CPEB3: variants seen among roughly 807,000 people sequenced by gnomAD.
The protein encoded by CPEB3 is cytoplasmic polyadenylation element binding protein 3.
A neutral mutation model predicts 67.2 loss-of-function variants in CPEB3; 20 were observed. That is an observed-to-expected ratio of 0.30 (90% CI 0.21 to 0.43). The LOEUF (loss-of-function observed/expected upper bound fraction) is 0.43. Among genes scored for constraint, CPEB3 ranks in the 20% least tolerant of loss-of-function variants. CPEB3 has a pLI of 1.00. For missense variants in CPEB3, 746 were observed against 968.6 expected (o/e 0.77, Z 3.05); for synonymous variants, 376 against 393.1 (o/e 0.96, Z 0.51).
intron 6 of CPEB3, among the ~76,000 whole-genome samples, chr10:92,111,956 T>C (rs556328178): frequency 7.9e-5 from 12 of 152,322 alleles, no homozygotes; most frequent in African/African-American, 1.9e-4. Context: ...CTCTAAGAGA[T>C]ACCCTCTTGG....
chr10:92,079,099 A>G (rs1229506985), intron 9 of CPEB3, among the ~76,000 whole-genome samples: 4 of 152,086 alleles, frequency 2.6e-5, no homozygotes, highest in Non-Finnish European at 5.9e-5. Context: ...AAGAACCCAA[A>G]GCTCTTCAGG....
At chr10:92,072,482 G>A (rs1201035465) in intron 9 of CPEB3, among the ~76,000 whole-genome samples, 4 of 152,138 alleles carry the variant, frequency 2.6e-5, no homozygotes, top group Non-Finnish European at 5.9e-5. Flanking sequence ...TAACTTCCCA[G>A]AGCATTTCTT....
chr10:92,284,815 A>G (rs1842455655), intron 1 of CPEB3, among the ~76,000 whole-genome samples: 2 of 152,174 alleles, frequency 1.3e-5, no homozygotes, highest in Non-Finnish European at 2.9e-5. Flanking sequence ...TTGTATCTTC[A>G]GTCCCTAGCT....
At position 92,192,589 on chromosome 10, in the gene CPEB3, G is replaced by A. The variant is rs751729797; in HGVS notation, c.1053C>T (p.Asn351=). The A allele has an allele frequency of 6.2e-7, 1 of 1,612,968 alleles. No individual in the cohort carries two copies. ...CAGTCCTTATCATATCCATTAAGGAGTTCTCCAACGAGTGCAAGTTAAAAG... is the reference window on the plus strand; with the variant it reads ...CAGTCCTTATCATATCCATTAAGGAATTCTCCAACGAGTGCAAGTTAAAAG... The part of the protein sequence containing the change: ...YDTFNLHSLE[N]SLMDMIRTDH... Residue 351 remains asparagine, a synonymous_variant, in exon 3 of 10, where the codon AAC becomes AAT. Coordinates refer to ENST00000265997, the MANE Select transcript of CPEB3 (RefSeq NM_014912.5).
intron 4 of CPEB3, among the ~76,000 whole-genome samples, chr10:92,166,768 C>T (rs541794451): frequency 7.9e-5 from 12 of 152,304 alleles, no homozygotes; most frequent in African/African-American, 2.9e-4. Context: ...AAGTCACCAG[C>T]TGTATTAGCC....
In CPEB3 at chr10:92,184,900, T is replaced by C. The variant is rs79058316; in HGVS notation, c.1166-3881A>G. ...TTACAGTTTTCCACGTTAGGGAGTG[T>C]ATATGTGTAAAGGTTTCTTTTCTAA... is the stretch of plus-strand genomic sequence containing the variant. On this transcript the variant is annotated intron_variant, in intron 3 of 9. Transcript: ENST00000265997. Among the ~76,000 whole-genome samples, 468 of 152,322 alleles carry C rather than the reference T, an allele frequency of 3.1e-3. 4 individuals carry two copies. Among genetic ancestry groups the C allele is most frequent in the Admixed American group, 5.3e-3 (81 of 15,306 alleles).
chr10:92,083,779 A>C (rs1305154346), intron 8 of CPEB3, among the ~76,000 whole-genome samples: 2 of 152,220 alleles, frequency 1.3e-5, no homozygotes, highest in African/African-American at 4.8e-5. Flanking sequence ...GAAGGACTCA[A>C]TAAAGTGCCT....
intron 1 of CPEB3, among the ~76,000 whole-genome samples, chr10:92,270,014 A>G (rs1853233731): frequency 9.1e-6 from 1 of 109,816 alleles, no homozygotes; most frequent in Non-Finnish European, 1.7e-5. Context: ...CCTGTCTCCA[A>G]TTTTATCAAG....
At chr10:92,158,383 A>T (rs1373564214) in intron 4 of CPEB3, among the ~76,000 whole-genome samples, 2 of 152,182 alleles carry the variant, frequency 1.3e-5, no homozygotes, top group East Asian at 3.8e-4. Context: ...AGAGTACTTT[A>T]AAAAACTGAT....
chr10:92,197,574 C>G (rs1849302240), intron 2 of CPEB3, among the ~76,000 whole-genome samples: 1 of 152,160 alleles, frequency 6.6e-6, no homozygotes, highest in Non-Finnish European at 1.5e-5. Flanking sequence ...ATTAGAACAT[C>G]TATAAATAAT....
chr10:92,072,345 T>C (rs1399747022), intron 9 of CPEB3, among the ~76,000 whole-genome samples: 1 of 151,758 alleles, frequency 6.6e-6, no homozygotes, highest in Non-Finnish European at 1.5e-5. Flanking sequence ...TGGAACTGAA[T>C]AAATACTTTA....
At chr10:92,226,444 G>A (rs933852863) in intron 2 of CPEB3, among the ~76,000 whole-genome samples, 1 of 152,122 alleles carries the variant, frequency 6.6e-6, no homozygotes, top group African/African-American at 2.4e-5. Flanking sequence ...CCAGCTAAAC[G>A]TTTTAATTAC....
chr10:92,234,121 A>AG (rs1276628865), intron 2 of CPEB3, among the ~76,000 whole-genome samples: 1 of 151,694 alleles, frequency 6.6e-6, no homozygotes, highest in African/African-American at 2.4e-5. Flanking sequence ...AAAAAAAAAA[A>AG]AAAGGAGAAG....
intron 7 of CPEB3, among the ~76,000 whole-genome samples, chr10:92,096,566 A>C (rs1843889164): frequency 6.6e-6 from 1 of 152,164 alleles, no homozygotes; most frequent in Non-Finnish European, 1.5e-5. Flanking sequence ...GAAATAGTGA[A>C]GATTCCCTGA....
intron 2 of CPEB3, among the ~76,000 whole-genome samples, chr10:92,211,313 T>G (rs961548475): frequency 6.6e-6 from 1 of 152,100 alleles, no homozygotes; most frequent in African/African-American, 2.4e-5. Flanking sequence ...ACTCTTACAT[T>G]GTCTTTGTAA....
intron 6 of CPEB3, chr10:92,118,924 G>C: frequency 2.6e-6 from 3 of 1,133,132 alleles, no homozygotes; most frequent in Non-Finnish European, 4.0e-6. Flanking sequence ...TGTCAGCCCT[G>C]TTACTCCCTG....
In CPEB3 at chr10:92,051,332, C is replaced by T. The variant is rs1487659132; in HGVS notation, c.*880G>A. 1.3e-5 allele frequency: 2 copies of T among 152,606 alleles called. No homozygotes were observed. The highest frequency in any genetic ancestry group is 1.3e-4 in the Admixed American group (2 of 15,280). The allele number at this position is 152,606 out of a possible 1,614,324, so 9.5% of individuals were successfully genotyped here. ...ATATAAAATTTATTGCATGCAGCAA[C>T]CTGATTAAGTAAACATGCAGTCAGA... On this transcript the variant is annotated 3_prime_UTR_variant, in exon 10 of 10. Transcript: ENST00000265997.
chr10:92,059,886 G>A (rs1199379479), intron 9 of CPEB3, among the ~76,000 whole-genome samples: 1 of 151,450 alleles, frequency 6.6e-6, no homozygotes, highest in African/African-American at 2.4e-5. Context: ...GAACCCGGGA[G>A]GCGGAGGTTG....
intron 6 of CPEB3, among the ~76,000 whole-genome samples, chr10:92,140,209 T>A (rs1483356950): frequency 6.6e-6 from 1 of 152,118 alleles, no homozygotes; most frequent in Non-Finnish European, 1.5e-5. Context: ...GCTGGAGGCA[T>A]CACACTACCT....
Sources: allele counts gnomAD v4.1 joint callset (sites outside exome capture counted in the v4.1 genomes callset), GRCh38; gene constraint gnomAD v4.1.1; transcripts MANE v1.5; gene names NCBI Gene and HGNC (gene_info 2026-07-23, HGNC 2026-07-21).